The following WASF1 variants were observed in gnomAD, a reference collection of about 807,000 sequenced individuals.
WASF1 encodes actin-binding protein WASF1.
WASF1 carries 7 observed loss-of-function variants against 50.5 expected under a neutral mutation model. The observed-to-expected ratio is 0.14, with a 90% CI of 0.08 to 0.26. The LOEUF is 0.26. Ranked by LOEUF, WASF1 falls within the 10% of genes least tolerant of loss-of-function variation. The pLI is 1.00. For synonymous variants in WASF1, 205 were observed against 244.0 expected, an observed-to-expected ratio of 0.84 and a Z score of 1.49; for missense variants, 470 against 694.7, an observed-to-expected ratio of 0.68 and a Z score of 3.64.
intron 3 of WASF1, among the ~76,000 whole-genome samples, chr6:110,141,231 C>T (rs1237928724): frequency 6.6e-6 from 1 of 151,848 alleles, no homozygotes; most frequent in African/African-American, 2.4e-5. Context: ...ACATAATATA[C>T]AAGGTTCTTC....
In WASF1 at chr6:110,179,636, T is replaced by C. The variant is rs1319735190; in HGVS notation, c.-469A>G. On this transcript the variant is annotated 5_prime_UTR_variant, in exon 1 of 11. Transcript: ENST00000392589. ...CGCCAACCCGCCGCCGGACCCACCGTGTGCTCGACGCGCGAGTGAACAACA... is the reference window on the plus strand; with the variant it reads ...CGCCAACCCGCCGCCGGACCCACCGCGTGCTCGACGCGCGAGTGAACAACA... 1.3e-5 allele frequency: 2 copies of C among 152,130 alleles called. No individual in the cohort carries two copies. The highest frequency in any genetic ancestry group is 4.8e-5 in the African/African-American group (2 of 41,344). 9.4% of individuals were successfully genotyped at this position (152,130 alleles called of 1,614,324 possible).
At chr6:110,172,909 T>C (rs907209311) in intron 2 of WASF1, among the ~76,000 whole-genome samples, 1 of 152,182 alleles carries the variant, frequency 6.6e-6, no homozygotes, top group African/African-American at 2.4e-5. Context: ...GTGTACCCTC[T>C]AAATCTATAA....
chr6:110,137,997 G>A (rs1027888689), intron 3 of WASF1, among the ~76,000 whole-genome samples: 5 of 152,232 alleles, frequency 3.3e-5, no homozygotes, highest in African/African-American at 1.2e-4. Context: ...CAGGGCCACT[G>A]GGCTTGTTCC....
chr6:110,102,320 G>C (rs77891600), intron 9 of WASF1, 104 bp from the exon 10 acceptor site: 57,741 of 1,195,110 alleles, frequency 0.048, 1,944 homozygotes, highest in African/African-American at 0.15. Flanking sequence ...ATATCAAAAT[G>C]GATCCAATAA....
In WASF1 at chr6:110,171,898, A is replaced by AAGACT. The variant is rs573656368; in HGVS notation, c.-127+6699_-127+6700insAGTCT. Among the ~76,000 whole-genome samples, 13 of 152,326 alleles carry AAGACT rather than the reference A, an allele frequency of 8.5e-5. No individual in the cohort carries two copies. The South Asian group carries it at 2.7e-3, about 32-fold the overall frequency. ...GATATGAACAGACACTTCTCAAAAG[A>AAGACT]AGACGTCTATGCAGCCAACAGACAC... On this transcript the variant is annotated intron_variant, in intron 2 of 10. Transcript: ENST00000392589.
At chr6:110,151,373 T>G (rs1775816005) in intron 3 of WASF1, among the ~76,000 whole-genome samples, 2 of 152,212 alleles carry the variant, frequency 1.3e-5, no homozygotes, top group Admixed American at 6.5e-5. Context: ...TCCAAAATCT[T>G]TGGCCACAAA....
intron 3 of WASF1, among the ~76,000 whole-genome samples, chr6:110,134,687 A>G (rs1376224263): frequency 6.6e-6 from 1 of 151,956 alleles, no homozygotes; most frequent in Non-Finnish European, 1.5e-5. Flanking sequence ...CGGCCTCCCA[A>G]AGTGCAGGGA....
chr6:110,172,374 G>A (rs542010510), intron 2 of WASF1, among the ~76,000 whole-genome samples: 6 of 151,862 alleles, frequency 4.0e-5, no homozygotes, highest in African/African-American at 1.4e-4. Flanking sequence ...ATTGAAAACA[G>A]GAAATCAAGA....
intron 2 of WASF1, among the ~76,000 whole-genome samples, chr6:110,166,595 T>C (rs545123945): frequency 1.3e-4 from 20 of 152,070 alleles, no homozygotes; most frequent in African/African-American, 4.8e-4. Context: ...TACTGTGTCC[T>C]CAAGCAAAAA....
Position 110,102,145 on chromosome 6 carries a change from G to A in WASF1, c.965C>T (p.Pro322Leu), listed in dbSNP as rs764998829. 12 of 1,477,908 alleles carry A rather than the reference G, an allele frequency of 8.1e-6. No homozygotes were observed. Among genetic ancestry groups the A allele is most frequent in the Non-Finnish European group, 1.1e-5 (12 of 1,114,220 alleles). The allele number at this position is 1,477,908 out of a possible 1,614,324, so 91.5% of individuals were successfully genotyped here. ...AGGTGGTGGAGGAGGTGGGGGAGTGGGGCTCACAAACACAGGTGTTCTGCC... is the reference window on the plus strand; with the variant it reads ...AGGTGGTGGAGGAGGTGGGGGAGTGAGGCTCACAAACACAGGTGTTCTGCC... ...ATGRTPVFVS[P>L]TPPPPPPPLP... is the part of the protein sequence containing the mutation. The change falls in exon 10 of 11, where the codon CCC (proline) becomes CTC (leucine). Residue 322 changes from proline (P) to leucine (L), a missense_variant. Coordinates refer to ENST00000392589, the MANE Select transcript of WASF1 (RefSeq NM_003931.3).
intron 2 of WASF1, among the ~76,000 whole-genome samples, chr6:110,174,486 T>C (rs147182572): frequency 6.6e-6 from 1 of 152,262 alleles, no homozygotes; most frequent in African/African-American, 2.4e-5. Context: ...GCAGGCAGAA[T>C]TGTTATTATC....
At chr6:110,106,196 CAG>C (rs1215284324) in intron 7 of WASF1, among the ~76,000 whole-genome samples, 7 of 152,232 alleles carry the variant, frequency 4.6e-5, no homozygotes, top group African/African-American at 1.7e-4. Context: ...TGAATGAAGC[CAG>C]TCGGGTGTAA....
chr6:110,103,128 A>C (rs1562160409), intron 9 of WASF1, among the ~76,000 whole-genome samples: 1 of 152,104 alleles, frequency 6.6e-6, no homozygotes, highest in Non-Finnish European at 1.5e-5. Context: ...TCTAACCAGA[A>C]GATTACAAAT....
At chr6:110,178,962 G>C (rs536783826) in intron 1 of WASF1, among the ~76,000 whole-genome samples, 1 of 152,354 alleles carries the variant, frequency 6.6e-6, no homozygotes, top group South Asian at 2.1e-4. Flanking sequence ...TCGCTTTACC[G>C]TTATGTTTTC....
At chr6:110,172,875 T>C (rs942834342) in intron 2 of WASF1, among the ~76,000 whole-genome samples, 1 of 152,126 alleles carries the variant, frequency 6.6e-6, no homozygotes, top group Non-Finnish European at 1.5e-5. Context: ...CACTATGCAA[T>C]ATATCCATGT....
rs35703116 is a variant in WASF1, at chr6:110,124,274, CTATATATATA to C, written c.133+3185_133+3194del. On this transcript the variant is annotated intron_variant, in intron 4 of 10. Transcript: ENST00000392589. ...TCTCTCTCTCTCTCTCTCTCTCTCT[CTATATATATA>C]TATATATATATATATATATATATAT... Among the ~76,000 whole-genome samples, 78 of 20,504 alleles carry C rather than the reference CTATATATATA, an allele frequency of 3.8e-3. 1 individual carries two copies. The highest frequency in any genetic ancestry group is 9.6e-3 in the South Asian group (4 of 418). The allele number at this position is 20,504 out of a possible 152,430, so 13.5% of individuals were successfully genotyped here.
At chr6:110,121,758 A>G (rs1370461240) in intron 4 of WASF1, among the ~76,000 whole-genome samples, 1 of 152,258 alleles carries the variant, frequency 6.6e-6, no homozygotes, top group African/African-American at 2.4e-5. Flanking sequence ...GGCACTATTT[A>G]CAATAGTAAA....
intron 3 of WASF1, among the ~76,000 whole-genome samples, chr6:110,143,495 T>G (rs1775362677): frequency 1.3e-5 from 2 of 152,050 alleles, no homozygotes; most frequent in African/African-American, 4.8e-5. Flanking sequence ...TCATAATGAT[T>G]TTATGAATTG....
intron 3 of WASF1, among the ~76,000 whole-genome samples, chr6:110,129,616 T>C (rs1410249842): frequency 6.7e-6 from 1 of 148,260 alleles, no homozygotes; most frequent in Non-Finnish European, 1.5e-5. Context: ...CTAATCCTAA[T>C]TTAAAAGAAA....
Sources: allele counts gnomAD v4.1 joint callset (sites outside exome capture counted in the v4.1 genomes callset), GRCh38; gene constraint gnomAD v4.1.1; transcripts MANE v1.5; gene names NCBI Gene and HGNC (gene_info 2026-07-23, HGNC 2026-07-21).